Variants in DPH6 observed in about 807,000 individuals in gnomAD.
DPH6 encodes the protein diphthine--ammonia ligase.
DPH6 carries 33 observed loss-of-function variants against 38.2 expected under a neutral mutation model. The ratio of observed to expected loss-of-function variants is 0.86; its 90% CI spans 0.65 to 1.15. The LOEUF (loss-of-function observed/expected upper bound fraction) is 1.15. DPH6 is among the 50% of genes most tolerant of loss of function. The pLI is 0.00. For missense variants in DPH6, 325 were observed against 320.0 expected (o/e 1.02, Z -0.12); for synonymous variants, 108 against 103.0 (o/e 1.05, Z -0.30).
At chr15:35,160,336 C>T in the DPH6 span, among the ~76,000 whole-genome samples, 2 of 151,954 alleles carry the variant, frequency 1.3e-5, no homozygotes, top group Non-Finnish European at 2.9e-5. Context: ...CTTTCTAGCC[C>T]ACTCCATTCA....
intron 3 of DPH6, among the ~76,000 whole-genome samples, chr15:35,536,716 G>C (rs2055175235): frequency 6.6e-6 from 1 of 151,726 alleles, no homozygotes; most frequent in South Asian, 2.1e-4. Flanking sequence ...TATAATATTG[G>C]TTTATATAAA....
chr15:35,323,263 T>C (rs566472290), intron 3 of DPH6, among the ~76,000 whole-genome samples: 1 of 152,334 alleles, frequency 6.6e-6, no homozygotes, highest in African/African-American at 2.4e-5. Context: ...CACTTTTCTA[T>C]GAATGTCTTC....
At chr15:35,413,614 A>G (rs2053398143) in intron 5 of DPH6, among the ~76,000 whole-genome samples, 1 of 151,524 alleles carries the variant, frequency 6.6e-6, no homozygotes, top group Admixed American at 6.6e-5. Flanking sequence ...TCTTTTGCTA[A>G]TATCTTTCTT....
At chr15:35,289,941 G>T (rs16960753) in intron 3 of DPH6, among the ~76,000 whole-genome samples, 10,140 of 152,168 alleles carry the variant, frequency 0.067, 873 homozygotes, top group East Asian at 0.32. Flanking sequence ...AATGCGTACT[G>T]CTACCTGGAA....
At chr15:35,269,634 T>G (rs1209001172) in intron 3 of DPH6, among the ~76,000 whole-genome samples, 2 of 150,532 alleles carry the variant, frequency 1.3e-5, no homozygotes, top group East Asian at 4.0e-4. Flanking sequence ...GAGACGGGGT[T>G]TCACCATGTT....
At chr15:35,216,170 A>T (rs1427844904), downstream of DPH6, among the ~76,000 whole-genome samples, 2 of 152,200 alleles carry the variant, frequency 1.3e-5, no homozygotes, top group African/African-American at 4.8e-5. Flanking sequence ...GGGCCTTTGG[A>T]CAGGTTACCC....
intron 3 of DPH6, among the ~76,000 whole-genome samples, chr15:35,498,110 C>T (rs7175407): frequency 0.018 from 2,779 of 152,244 alleles, 86 homozygotes; most frequent in African/African-American, 0.062. Context: ...ATAGTTGGCA[C>T]CTTCTCTCCA....
At chr15:35,398,948 G>GA (rs1418739013) in intron 6 of DPH6, among the ~76,000 whole-genome samples, 2 of 152,026 alleles carry the variant, frequency 1.3e-5, no homozygotes, top group East Asian at 3.9e-4. Context: ...CAAGCATAGA[G>GA]AAAAAAATAA....
chr15:35,229,700 C>T (rs142197062), intron 3 of DPH6, among the ~76,000 whole-genome samples: 20 of 152,174 alleles, frequency 1.3e-4, no homozygotes, highest in African/African-American at 3.1e-4. Context: ...GAAGGCTTTC[C>T]GGATATTTGA....
In DPH6 at chr15:35,388,579, T is replaced by G. The variant is rs184357229; in HGVS notation, c.568-6663A>C. ...CCTGGTTTAGTCTTGGAAGAGTGTA[T>G]GTGTCCAGGAATTTATCCATTTCTT... On this transcript the variant is annotated intron_variant, in intron 6 of 8. Transcript: ENST00000256538. Among the ~76,000 whole-genome samples, 100 of 152,318 alleles carry G rather than the reference T, an allele frequency of 6.6e-4. 2 individuals carry two copies. The East Asian group carries it at 0.017, about 26-fold the overall frequency.
chr15:35,489,612 T>C, intron 3 of DPH6: 2 of 982,600 alleles, frequency 2.0e-6, no homozygotes, highest in Non-Finnish European at 2.4e-6. Flanking sequence ...AGCAAATATT[T>C]AGAAAGTTCT....
the DPH6 span, among the ~76,000 whole-genome samples, chr15:35,188,903 C>A: frequency 1.3e-5 from 2 of 151,932 alleles, no homozygotes; most frequent in Non-Finnish European, 2.9e-5. Flanking sequence ...GATTTCTGTT[C>A]ACCCTGATTT....
intron 3 of DPH6, among the ~76,000 whole-genome samples, chr15:35,531,280 G>A (rs2055083168): frequency 6.6e-6 from 1 of 152,186 alleles, no homozygotes; most frequent in Non-Finnish European, 1.5e-5. Flanking sequence ...TTTTCATAAA[G>A]TAGTGTGCAG....
chr15:35,437,208 C>T (rs6495769), intron 5 of DPH6, among the ~76,000 whole-genome samples: 24,319 of 152,040 alleles, frequency 0.16, 2,570 homozygotes, highest in African/African-American at 0.3. Flanking sequence ...GAACCAGGAA[C>T]GCCTCGCTCC....
chr15:35,237,895 G>C (rs1014503567), intron 3 of DPH6: 5 of 1,425,078 alleles, frequency 3.5e-6, no homozygotes, highest in Non-Finnish European at 4.9e-6. Context: ...AGGACGAGGA[G>C]GAGGAGGAAG....
intron 3 of DPH6, among the ~76,000 whole-genome samples, chr15:35,292,591 C>T (rs1460130190): frequency 6.6e-6 from 1 of 152,068 alleles, no homozygotes; most frequent in African/African-American, 2.4e-5. Context: ...AGTAGGACTA[C>T]AGAGCTAAAA....
intron 3 of DPH6, among the ~76,000 whole-genome samples, chr15:35,253,355 G>A (rs1266409721): frequency 1.3e-5 from 2 of 152,144 alleles, no homozygotes; most frequent in Non-Finnish European, 2.9e-5. Flanking sequence ...CTAAAGCAAT[G>A]GCAGATTCTT....
At chr15:35,358,804 C>A (rs1249874190) in intron 3 of DPH6, among the ~76,000 whole-genome samples, 5 of 152,138 alleles carry the variant, frequency 3.3e-5, no homozygotes, top group African/African-American at 4.8e-5. Flanking sequence ...ATGCAATAGA[C>A]ACCATGAGGA....
exon 4 of DPH6, chr15:35,218,202 A>T (rs566896057): frequency 6.6e-6 from 1 of 152,378 alleles, no homozygotes; most frequent in South Asian, 2.1e-4. Flanking sequence ...AAAAATCCTC[A>T]GACACAATCA....
Sources: allele counts gnomAD v4.1 joint callset (sites outside exome capture counted in the v4.1 genomes callset), GRCh38; gene constraint gnomAD v4.1.1; transcripts MANE v1.5; gene names NCBI Gene and HGNC (gene_info 2026-07-23, HGNC 2026-07-21).